SLC9A9: variants seen among roughly 807,000 people sequenced by gnomAD.
The protein encoded by SLC9A9 is sodium/hydrogen exchanger 9.
A neutral mutation model predicts 77.8 loss-of-function variants in SLC9A9; 62 were observed. That is an observed-to-expected ratio of 0.80 (90% confidence interval 0.65 to 0.98). The LOEUF (loss-of-function observed/expected upper bound fraction) is 0.98. SLC9A9 is among the 50% of genes least tolerant of loss of function. The pLI is 0.00. For synonymous variants in SLC9A9, 320 were observed against 283.5 expected (o/e 1.13, Z -1.29); for missense variants, 775 against 774.9 (o/e 1.00, Z 0.00).
At chr3:143,756,940 A>T (rs1333774655) in intron 4 of SLC9A9, among the ~76,000 whole-genome samples, 2 of 152,174 alleles carry the variant, frequency 1.3e-5, no homozygotes, top group Admixed American at 1.3e-4. Context: ...CTGTTACTGT[A>T]AACTGCCTCA....
At chr3:143,733,500 G>A (rs904082121) in intron 4 of SLC9A9, among the ~76,000 whole-genome samples, 4 of 152,052 alleles carry the variant, frequency 2.6e-5, no homozygotes, top group Admixed American at 2.0e-4. Flanking sequence ...TTGTTTTCTA[G>A]GTGGACCCCA....
At chr3:143,650,370 A>T (rs1436098119) in intron 6 of SLC9A9, among the ~76,000 whole-genome samples, 2 of 152,214 alleles carry the variant, frequency 1.3e-5, no homozygotes, top group Non-Finnish European at 2.9e-5. Context: ...TAGATGTACA[A>T]AGAGAATAGT....
chr3:143,602,941 A>G (rs535718098), intron 6 of SLC9A9, among the ~76,000 whole-genome samples: 1 of 152,368 alleles, frequency 6.6e-6, no homozygotes, highest in African/African-American at 2.4e-5. Flanking sequence ...ATGGCGCTTT[A>G]AAGCCAAGAT....
In SLC9A9 at chr3:143,610,155, T is replaced by A. The variant is rs560515824; in HGVS notation, c.756-31432A>T. Among the ~76,000 whole-genome samples the A allele has an allele frequency of 5.3e-5, 8 of 152,220 alleles. No homozygotes were observed. In the East Asian group the frequency reaches 7.7e-4, roughly 15 times the overall value. On this transcript the variant is annotated intron_variant, in intron 6 of 15. Transcript: ENST00000316549. Reference sequence around the variant, plus strand: ...CGGAGTTTTCCTTTATTTATTTTTTTTTTATTTATTTGAGAAAAGGTCTCT... The same window carrying A: ...CGGAGTTTTCCTTTATTTATTTTTTATTTATTTATTTGAGAAAAGGTCTCT...
chr3:143,645,585 T>C (rs1460873826), intron 6 of SLC9A9, among the ~76,000 whole-genome samples: 1 of 152,206 alleles, frequency 6.6e-6, no homozygotes, highest in Non-Finnish European at 1.5e-5. Flanking sequence ...TTGAGTCTTA[T>C]AGCCATCCAA....
intron 9 of SLC9A9, among the ~76,000 whole-genome samples, chr3:143,543,259 T>C: frequency 6.6e-6 from 1 of 152,332 alleles, no homozygotes; most frequent in East Asian, 1.9e-4. Context: ...CTCAGCTGTC[T>C]TCCACACGCT....
intron 6 of SLC9A9, among the ~76,000 whole-genome samples, chr3:143,621,257 G>A: frequency 6.6e-6 from 1 of 152,224 alleles, no homozygotes; most frequent in Non-Finnish European, 1.5e-5. Flanking sequence ...TGACAGCTTT[G>A]AAGAGAGTAG....
At chr3:143,805,109 C>G (rs1371138901) in intron 2 of SLC9A9, among the ~76,000 whole-genome samples, 2 of 152,230 alleles carry the variant, frequency 1.3e-5, no homozygotes, top group African/African-American at 2.4e-5. Context: ...TTTGGGCACT[C>G]TCTAATTGGA....
intron 12 of SLC9A9, among the ~76,000 whole-genome samples, chr3:143,389,856 A>T (rs1001452545): frequency 6.6e-6 from 1 of 152,188 alleles, no homozygotes; most frequent in Non-Finnish European, 1.5e-5. Context: ...CGTCTTATTT[A>T]AGAAGGGTTA....
chr3:143,290,076 G>A (rs1010786540), intron 14 of SLC9A9, among the ~76,000 whole-genome samples: 1 of 152,130 alleles, frequency 6.6e-6, no homozygotes, highest in African/African-American at 2.4e-5. Flanking sequence ...CAGATGCTCT[G>A]AGAAACCTTC....
chr3:143,607,050 A>T (rs1204334800), intron 6 of SLC9A9, among the ~76,000 whole-genome samples: 1 of 152,084 alleles, frequency 6.6e-6, no homozygotes, highest in African/African-American at 2.4e-5. Flanking sequence ...AAATAGAATA[A>T]CAATTACAGA....
In SLC9A9 at chr3:143,382,075, G is replaced by C. The variant is rs745676458; in HGVS notation, c.1509C>G (p.Pro503=). 2 of 1,614,090 alleles carry C rather than the reference G, an allele frequency of 1.2e-6. No homozygotes were observed. Among genetic ancestry groups the C allele is most frequent in the Non-Finnish European group, 1.7e-6 (2 of 1,179,974 alleles). ...VDLDENLKED[P]SSQHQEANNL... ...TTTGACTTGCCTGGTGTTGTGAGGA[G>C]GGGTCCTCCTTCAGATTTTCATCCA... The change falls in exon 13 of 16, where the codon CCC becomes CCG. Residue 503 remains proline (P), a synonymous_variant. Transcript: ENST00000316549.
chr3:143,666,332 T>C (rs1335472884), intron 5 of SLC9A9, among the ~76,000 whole-genome samples: 1 of 152,126 alleles, frequency 6.6e-6, no homozygotes, highest in East Asian at 1.9e-4. Flanking sequence ...ATGGGACATA[T>C]CTCAAAATAA....
chr3:143,768,361 C>T (rs956893606), intron 4 of SLC9A9, among the ~76,000 whole-genome samples: 1 of 152,180 alleles, frequency 6.6e-6, no homozygotes, highest in Non-Finnish European at 1.5e-5. Context: ...TTCACAACAA[C>T]CTACCCTGTA....
At chr3:143,383,774 T>G (rs1178529696) in intron 12 of SLC9A9, among the ~76,000 whole-genome samples, 1 of 152,180 alleles carries the variant, frequency 6.6e-6, no homozygotes, top group Non-Finnish European at 1.5e-5. Flanking sequence ...TTTAGGGACT[T>G]TTCTTCAACT....
chr3:143,473,862 T>C (rs1181331875), intron 11 of SLC9A9, among the ~76,000 whole-genome samples: 1 of 152,224 alleles, frequency 6.6e-6, no homozygotes, highest in Non-Finnish European at 1.5e-5. Context: ...GGGATGGTGA[T>C]ATTCATATAT....
intron 12 of SLC9A9, among the ~76,000 whole-genome samples, chr3:143,423,229 ACG>A (rs1488469018): frequency 7.8e-5 from 11 of 140,904 alleles, no homozygotes; most frequent in African/African-American, 2.9e-4. Flanking sequence ...ACACACACAC[ACG>A]TGTACACACG....
intron 9 of SLC9A9, among the ~76,000 whole-genome samples, chr3:143,497,408 G>A (rs990812433): frequency 7.9e-5 from 12 of 152,150 alleles, no homozygotes; most frequent in Non-Finnish European, 5.9e-5. Flanking sequence ...TCAAATCGGT[G>A]CATTTCTTTA....
chr3:143,816,855 A>C (rs2009031131), intron 2 of SLC9A9, among the ~76,000 whole-genome samples: 1 of 152,208 alleles, frequency 6.6e-6, no homozygotes, highest in African/African-American at 2.4e-5. Context: ...GTAAGCATGA[A>C]ATGATATCAC....
Sources: gnomAD v4.1 joint callset for allele counts (sites outside exome capture counted in the v4.1 genomes callset) on GRCh38, gnomAD v4.1.1 for gene constraint, MANE v1.5 for transcripts, NCBI Gene and HGNC (gene_info 2026-07-23, HGNC 2026-07-21) for gene names.